Variants in NBAS observed in about 807,000 individuals in gnomAD.
The protein encoded by NBAS is NAG/BC035112 fusion.
A neutral mutation model predicts 302.5 loss-of-function variants in NBAS; 219 were observed. The observed-to-expected ratio is 0.72, with a 90% CI of 0.65 to 0.81. NBAS has a LOEUF of 0.81. Among genes scored for constraint, NBAS ranks in the 30% least tolerant of loss-of-function variants. NBAS has a pLI of 0.00. For missense variants in NBAS, 2,932 were observed against 2,841.6 expected, an observed-to-expected ratio of 1.03 and a Z score of -0.72; for synonymous variants, 1,118 against 1,021.6, an observed-to-expected ratio of 1.09 and a Z score of -1.80.
intron 38 of NBAS, among the ~76,000 whole-genome samples, chr2:15,322,813 T>C (rs1191978617): frequency 1.3e-5 from 2 of 152,148 alleles, no homozygotes; most frequent in African/African-American, 4.8e-5. Context: ...CACTATAAAA[T>C]AGCCAAAGGT....
chr2:15,102,180 T>C, the NBAS span, among the ~76,000 whole-genome samples: 1 of 152,186 alleles, frequency 6.6e-6, no homozygotes, highest in Non-Finnish European at 1.5e-5. Context: ...CAAGATGACC[T>C]GAGATGAGCT....
At chr2:15,548,396 C>T (rs1439514050) in intron 6 of NBAS, among the ~76,000 whole-genome samples, 4 of 152,140 alleles carry the variant, frequency 2.6e-5, no homozygotes, top group African/African-American at 9.7e-5. Context: ...AATCCCAGCA[C>T]TTTGGGAGGC....
chr2:15,026,620 G>A, the NBAS span, among the ~76,000 whole-genome samples: 6 of 152,158 alleles, frequency 3.9e-5, no homozygotes, highest in African/African-American at 1.2e-4. Context: ...CTACTTGATC[G>A]TGTTGGATTA....
intron 38 of NBAS, among the ~76,000 whole-genome samples, chr2:15,322,280 C>A (rs1253405669): frequency 2.0e-5 from 3 of 151,960 alleles, no homozygotes; most frequent in Non-Finnish European, 4.4e-5. Context: ...GGAGAAATAA[C>A]TAATGTAAAT....
At chr2:14,818,078 C>T in the NBAS span, among the ~76,000 whole-genome samples, 1 of 152,148 alleles carries the variant, frequency 6.6e-6, no homozygotes, top group East Asian at 1.9e-4. Context: ...TGTTCCTGCA[C>T]ACACCTCCAC....
chr2:15,308,092 G>A, intron 40 of NBAS, 124 bp downstream of exon 40: 2 of 1,430,134 alleles, frequency 1.4e-6, no homozygotes, highest in Admixed American at 1.9e-5. Flanking sequence ...AGAGCTGCCT[G>A]CCACTTGGAA....
At chr2:15,530,822 C>T (rs1663179185) in intron 9 of NBAS, among the ~76,000 whole-genome samples, 1 of 151,638 alleles carries the variant, frequency 6.6e-6, no homozygotes, top group African/African-American at 2.4e-5. Context: ...AGTGAAGGGC[C>T]AGCACTGTGG....
chr2:15,102,414 G>C, the NBAS span, among the ~76,000 whole-genome samples: 4 of 152,204 alleles, frequency 2.6e-5, no homozygotes, highest in Admixed American at 2.0e-4. Context: ...TTTGAGGAAT[G>C]GGGGGCAAGT....
the NBAS span, chr2:14,907,760 C>T: frequency 6.6e-6 from 1 of 152,262 alleles, no homozygotes; most frequent in Admixed American, 6.5e-5. Flanking sequence ...GACCTTGTCT[C>T]ATTCACCTTG....
chr2:15,422,687 T>C (rs1229704491), intron 23 of NBAS, among the ~76,000 whole-genome samples: 2 of 152,216 alleles, frequency 1.3e-5, no homozygotes, highest in South Asian at 2.1e-4. Flanking sequence ...TTAATGATCT[T>C]TTAAAATTCA....
intron 6 of NBAS, among the ~76,000 whole-genome samples, chr2:15,546,249 G>C (rs1664102492): frequency 6.6e-6 from 1 of 152,014 alleles, no homozygotes. Flanking sequence ...TTATCTCTTG[G>C]TGGTGAGCTT....
At chr2:14,877,670 A>G in the NBAS span, among the ~76,000 whole-genome samples, 4 of 151,424 alleles carry the variant, frequency 2.6e-5, no homozygotes, top group African/African-American at 9.7e-5. Flanking sequence ...AAATATCATC[A>G]TCCCAAGTTT....
chr2:15,180,734 C>T (rs533435749), intron 50 of NBAS, among the ~76,000 whole-genome samples: 3 of 152,194 alleles, frequency 2.0e-5, no homozygotes, highest in Non-Finnish European at 2.9e-5. Context: ...CTAGTGCAAC[C>T]GAGGAACTGC....
the NBAS span, among the ~76,000 whole-genome samples, chr2:14,896,930 C>T: frequency 1.3e-5 from 2 of 152,160 alleles, no homozygotes; most frequent in Non-Finnish European, 2.9e-5. Flanking sequence ...AAAGAAGAGC[C>T]TCTAGTTCAG....
intron 12 of NBAS, among the ~76,000 whole-genome samples, chr2:15,481,206 AGTTT>A (rs1193363625): frequency 2.0e-5 from 3 of 152,172 alleles, no homozygotes; most frequent in African/African-American, 7.2e-5. Flanking sequence ...GATATACCAC[AGTTT>A]GTTTCTCCAT....
At chr2:15,368,191 C>CTTTTTTTTTTTTTT (rs1197291033) in intron 31 of NBAS, among the ~76,000 whole-genome samples, 1 of 84,890 alleles carries the variant, frequency 1.2e-5, no homozygotes, top group African/African-American at 5.5e-5. Flanking sequence ...AATGTTTTGA[C>CTTTTTTTTTTTTTT]TTTTTTTTTT....
the NBAS span, among the ~76,000 whole-genome samples, chr2:14,861,047 A>G: frequency 6.6e-6 from 1 of 152,214 alleles, no homozygotes; most frequent in Non-Finnish European, 1.5e-5. Context: ...GCTGTTTTGT[A>G]TAATACCTCT....
intron 16 of NBAS, among the ~76,000 whole-genome samples, chr2:15,469,875 A>C: frequency 6.6e-6 from 1 of 151,380 alleles, no homozygotes; most frequent in South Asian, 2.1e-4. Context: ...ATTAGGAGAT[A>C]TGCCTAATGT....
intron 14 of NBAS, among the ~76,000 whole-genome samples, chr2:15,474,696 G>A (rs1490683613): frequency 6.6e-6 from 1 of 152,042 alleles, no homozygotes; most frequent in Non-Finnish European, 1.5e-5. Context: ...GAGTAGCTGG[G>A]ATTACAGGCA....
Sources: gnomAD v4.1 joint callset for allele counts (sites outside exome capture counted in the v4.1 genomes callset) on GRCh38, gnomAD v4.1.1 for gene constraint, MANE v1.5 for transcripts, NCBI Gene and HGNC (gene_info 2026-07-23, HGNC 2026-07-21) for gene names.